The following TBC1D9 variants were observed in gnomAD, a reference collection of about 807,000 sequenced individuals.
TBC1D9 encodes the protein TBC1 domain family member 9.
TBC1D9 carries 63 observed loss-of-function variants against 132.0 expected under a neutral mutation model. The ratio of observed to expected loss-of-function variants is 0.48; its 90% confidence interval spans 0.39 to 0.59. The LOEUF is 0.59. TBC1D9 is among the 20% of genes least tolerant of loss of function. TBC1D9 has a pLI of 0.00. For missense variants in TBC1D9, 1,261 were observed against 1,592.7 expected, an observed-to-expected ratio of 0.79 and a Z score of 3.54; for synonymous variants, 610 against 609.9, an observed-to-expected ratio of 1.00 and a Z score of 0.00.
At chr4:140,714,737 T>C (rs1380530373) in intron 1 of TBC1D9, among the ~76,000 whole-genome samples, 2 of 152,210 alleles carry the variant, frequency 1.3e-5, no homozygotes, top group Non-Finnish European at 2.9e-5. Flanking sequence ...GCTAAAGAAA[T>C]ACATTTTGGG....
At chr4:140,732,259 C>A (rs1578860424) in intron 1 of TBC1D9, among the ~76,000 whole-genome samples, 1 of 152,094 alleles carries the variant, frequency 6.6e-6, no homozygotes, top group African/African-American at 2.4e-5. Context: ...GATATTATAC[C>A]TTAATCTTCT....
At chr4:140,625,267 AT>A (rs201758044) in intron 18 of TBC1D9, among the ~76,000 whole-genome samples, 23 of 150,982 alleles carry the variant, frequency 1.5e-4, no homozygotes, top group South Asian at 8.4e-4. Flanking sequence ...AAGAGAGAAA[AT>A]TTTTTTTTTG....
At chr4:140,735,266 T>A (rs1222563915) in intron 1 of TBC1D9, among the ~76,000 whole-genome samples, 1 of 152,164 alleles carries the variant, frequency 6.6e-6, no homozygotes, top group Non-Finnish European at 1.5e-5. Flanking sequence ...ATAACCATTA[T>A]GGGCTCTCTA....
At chr4:140,744,464 A>T (rs1034577564) in intron 1 of TBC1D9, among the ~76,000 whole-genome samples, 11 of 152,186 alleles carry the variant, frequency 7.2e-5, no homozygotes, top group African/African-American at 2.7e-4. Flanking sequence ...ACATTAAAAC[A>T]GAGATCAGGT....
At chr4:140,695,728 T>G (rs1486711014) in intron 2 of TBC1D9, among the ~76,000 whole-genome samples, 1 of 152,302 alleles carries the variant, frequency 6.6e-6, no homozygotes, top group East Asian at 1.9e-4. Flanking sequence ...CTGTGCCAAC[T>G]GAAGGCCAAG....
intron 13 of TBC1D9, chr4:140,644,821 T>TG (rs1737076317): frequency 2.2e-5 from 9 of 416,300 alleles, no homozygotes; most frequent in South Asian, 1.8e-4. Flanking sequence ...CTCCGCAAAG[T>TG]GAGGCAGGTG....
intron 9 of TBC1D9, among the ~76,000 whole-genome samples, chr4:140,666,295 G>A (rs1195515594): frequency 6.6e-6 from 1 of 152,130 alleles, no homozygotes; most frequent in Non-Finnish European, 1.5e-5. Context: ...GGGGGCTTGA[G>A]GGGAATGGAA....
intron 6 of TBC1D9, among the ~76,000 whole-genome samples, chr4:140,673,119 CTG>C (rs904417087): frequency 2.0e-5 from 3 of 151,434 alleles, no homozygotes; most frequent in African/African-American, 4.9e-5. Flanking sequence ...TGAACCAAGA[CTG>C]TGCCACTGCA....
rs749539957 is a variant in TBC1D9 at position 140,686,444 on chromosome 4, A to G, written c.260T>C (p.Ile87Thr). The change falls in exon 3 of 21, where the codon ATC becomes ACC. Residue 87 changes from isoleucine to threonine, a missense_variant. By Grantham distance (89) the Ile-to-Thr change is moderately conservative (BLOSUM62 -1). Coordinates refer to ENST00000442267, the MANE Select transcript of TBC1D9 (RefSeq NM_015130.3). The stretch of plus-strand genomic sequence containing the variant: ...CTCAAGCCATTCCCAGTGTTCAGTG[A>G]TTTCTTTCCTGGAACCACCTGTACA... ...TIACGGSRKE[I>T]TEHWEWLEQN... is the part of the protein sequence containing the mutation. The G allele has an allele frequency of 1.9e-6, 3 of 1,607,824 alleles. No individual in the cohort carries two copies.
chr4:140,698,484 C>T (rs1578845835), intron 2 of TBC1D9, among the ~76,000 whole-genome samples: 1 of 152,184 alleles, frequency 6.6e-6, no homozygotes, highest in African/African-American at 2.4e-5. Context: ...GGTACGGTGG[C>T]TCATGCCTGT....
At chr4:140,716,496 GA>G (rs964142176) in intron 1 of TBC1D9, among the ~76,000 whole-genome samples, 5 of 149,784 alleles carry the variant, frequency 3.3e-5, no homozygotes, top group East Asian at 1.9e-4. Context: ...TCTCAAAAAA[GA>G]AAAAAAAATA....
At chr4:140,690,525 C>G (rs1354791227) in intron 2 of TBC1D9, among the ~76,000 whole-genome samples, 1 of 152,100 alleles carries the variant, frequency 6.6e-6, no homozygotes, top group Non-Finnish European at 1.5e-5. Context: ...TCCTTCCTCA[C>G]TTGTGTCACA....
At chr4:140,632,904 T>A (rs1560866594) in intron 16 of TBC1D9, among the ~76,000 whole-genome samples, 1 of 152,246 alleles carries the variant, frequency 6.6e-6, no homozygotes, top group South Asian at 2.1e-4. Context: ...ATTAATATAG[T>A]AAAAGTTCTA....
chr4:140,737,309 A>C (rs564075759), intron 1 of TBC1D9, among the ~76,000 whole-genome samples: 11 of 152,178 alleles, frequency 7.2e-5, no homozygotes, highest in Non-Finnish European at 7.4e-5. Context: ...CAGCCAGGGC[A>C]ACATCAGTTC....
chr4:140,701,716 A>G (rs1246837773), intron 1 of TBC1D9, 102 bp from the exon 2 acceptor site: 2 of 825,472 alleles, frequency 2.4e-6, no homozygotes, highest in Non-Finnish European at 3.9e-6. Flanking sequence ...TCTTCCAACA[A>G]CCCCATCTCC....
intron 3 of TBC1D9, among the ~76,000 whole-genome samples, chr4:140,685,517 T>C (rs1040805232): frequency 1.3e-5 from 2 of 152,110 alleles, no homozygotes; most frequent in African/African-American, 4.8e-5. Context: ...GGAAAGGCTA[T>C]GGAAATGTTC....
intron 13 of TBC1D9, among the ~76,000 whole-genome samples, chr4:140,648,252 C>G (rs777514302): frequency 9.2e-5 from 14 of 152,216 alleles, no homozygotes; most frequent in Admixed American, 2.0e-4. Flanking sequence ...ATCTCTTATC[C>G]AACTCAACTA....
rs561218060 is a variant in TBC1D9, at chr4:140,669,200, C to A, written c.1438-133G>T. On this transcript the variant is annotated intron_variant, in intron 8 of 20. Transcript: ENST00000442267. The stretch of plus-strand genomic sequence containing the variant: ...AGAAAGAAGTCATGAGAAAAAGGAA[C>A]TCAGATTTTCTGGAGTTCTTCTCTA... 28 of 877,296 alleles carry A rather than the reference C, an allele frequency of 3.2e-5. No homozygotes were observed. The South Asian group carries it at 5.1e-4, about 16-fold the overall frequency. The allele number at this position is 877,296 out of a possible 1,614,324, so 54.3% of individuals were successfully genotyped here.
intron 2 of TBC1D9, 121 bp downstream of exon 2, chr4:140,701,383 T>A: frequency 1.4e-6 from 1 of 723,658 alleles, no homozygotes; most frequent in Non-Finnish European, 2.3e-6. Context: ...TGGCTACGGT[T>A]AATTACCCTA....
Sources: allele counts gnomAD v4.1 joint callset (sites outside exome capture counted in the v4.1 genomes callset), GRCh38; gene constraint gnomAD v4.1.1; transcripts MANE v1.5; gene names NCBI Gene and HGNC (gene_info 2026-07-23, HGNC 2026-07-21).